CSMD1: variants seen among roughly 807,000 people sequenced by gnomAD.
CSMD1 encodes the protein CUB and Sushi multiple domains 1, also known as CUB and sushi domain-containing protein 1.
A neutral mutation model predicts 417.5 loss-of-function variants in CSMD1; 213 were observed. The ratio of observed to expected loss-of-function variants is 0.51; its 90% confidence interval spans 0.46 to 0.57. The LOEUF (loss-of-function observed/expected upper bound fraction) is 0.57. CSMD1 is among the 20% of genes least tolerant of loss of function. CSMD1 has a pLI of 0.00. For synonymous variants in CSMD1, 2,862 were observed against 1,736.8 expected, an observed-to-expected ratio of 1.65 and a Z score of -16.11; for missense variants, 6,923 against 4,529.7, an observed-to-expected ratio of 1.53 and a Z score of -15.17.
At chr8:3,824,309 C>T (rs1028584722) in intron 5 of CSMD1, among the ~76,000 whole-genome samples, 2 of 151,746 alleles carry the variant, frequency 1.3e-5, no homozygotes, top group Admixed American at 1.3e-4. Context: ...ACGGGCACAA[C>T]AGCCTAGGAA....
intron 5 of CSMD1, among the ~76,000 whole-genome samples, chr8:3,919,837 A>G (rs1171692339): frequency 1.3e-5 from 2 of 152,096 alleles, no homozygotes; most frequent in Non-Finnish European, 2.9e-5. Context: ...CAGTGTACAG[A>G]TCATTCACCT....
At chr8:3,079,186 A>G (rs528063042) in intron 49 of CSMD1, among the ~76,000 whole-genome samples, 1 of 152,302 alleles carries the variant, frequency 6.6e-6, no homozygotes, top group South Asian at 2.1e-4. Context: ...GGCAACTGGG[A>G]TAAACCTCAT....
At chr8:4,254,532 C>G (rs1028553884) in intron 3 of CSMD1, among the ~76,000 whole-genome samples, 17 of 152,120 alleles carry the variant, frequency 1.1e-4, no homozygotes, top group African/African-American at 4.1e-4. Context: ...TAAACGTATG[C>G]TGTTTATGAA....
intron 26 of CSMD1, among the ~76,000 whole-genome samples, chr8:3,252,962 T>A (rs145781722): frequency 2.0e-5 from 3 of 152,186 alleles, no homozygotes; most frequent in Non-Finnish European, 4.4e-5. Context: ...TTTTCTTCTT[T>A]ATTAGTTTTG....
chr8:3,987,289 C>A (rs55964478), intron 5 of CSMD1, among the ~76,000 whole-genome samples: 1 of 152,010 alleles, frequency 6.6e-6, no homozygotes, highest in Admixed American at 6.6e-5. Flanking sequence ...GTAACATGTT[C>A]TGTGATGACC....
chr8:4,115,957 T>G (rs1429930772), intron 3 of CSMD1, among the ~76,000 whole-genome samples: 1 of 146,162 alleles, frequency 6.8e-6, no homozygotes, highest in African/African-American at 2.5e-5. Flanking sequence ...AAACAGGGTT[T>G]TCATTATTTT....
intron 42 of CSMD1, among the ~76,000 whole-genome samples, chr8:3,115,479 G>A (rs922358691): frequency 1.3e-5 from 2 of 152,134 alleles, no homozygotes; most frequent in Non-Finnish European, 1.5e-5. Context: ...TGGGATTACA[G>A]GCGTGAGCCA....
intron 9 of CSMD1, among the ~76,000 whole-genome samples, chr8:3,582,253 A>G (rs1800414826): frequency 6.6e-6 from 1 of 152,198 alleles, no homozygotes; most frequent in Admixed American, 6.5e-5. Flanking sequence ...CTGTAGATAT[A>G]TAACGTTATC....
At chr8:4,295,064 A>G (rs1432429469) in intron 3 of CSMD1, among the ~76,000 whole-genome samples, 1 of 93,098 alleles carries the variant, frequency 1.1e-5, no homozygotes, top group Admixed American at 1.2e-4. Context: ...ATATAATCTT[A>G]AGATTACACA....
intron 1 of CSMD1, among the ~76,000 whole-genome samples, chr8:4,927,087 C>CATTATTATTATTATT (rs142803606): frequency 7.7e-5 from 11 of 143,462 alleles, no homozygotes; most frequent in East Asian, 4.1e-4. Context: ...GCTTTCAATG[C>CATTATTATTATTATT]ATTATTATTA....
intron 59 of CSMD1, among the ~76,000 whole-genome samples, chr8:2,964,736 A>G (rs1011415342): frequency 6.6e-6 from 1 of 152,226 alleles, no homozygotes; most frequent in African/African-American, 2.4e-5. Flanking sequence ...GTTACAATAC[A>G]AAGAAGGGAA....
At chr8:4,063,014 T>G (rs1799059943) in intron 3 of CSMD1, among the ~76,000 whole-genome samples, 1 of 152,142 alleles carries the variant, frequency 6.6e-6, no homozygotes, top group South Asian at 2.1e-4. Flanking sequence ...AGAGATACTG[T>G]TAGTTACATA....
chr8:4,317,196 G>A (rs1376357950), intron 3 of CSMD1, among the ~76,000 whole-genome samples: 2 of 152,060 alleles, frequency 1.3e-5, no homozygotes, highest in African/African-American at 4.8e-5. Context: ...CAGCTCAATG[G>A]GTTATATTTT....
At chr8:4,156,453 G>C (rs1400138989) in intron 3 of CSMD1, among the ~76,000 whole-genome samples, 39 of 152,112 alleles carry the variant, frequency 2.6e-4, no homozygotes, top group Admixed American at 2.6e-3. Context: ...TATGCTATTG[G>C]TGCTAACTCT....
chr8:3,838,183 G>C (rs1203580652), intron 5 of CSMD1, among the ~76,000 whole-genome samples: 1 of 152,042 alleles, frequency 6.6e-6, no homozygotes, highest in Non-Finnish European at 1.5e-5. Context: ...ATCAGACACA[G>C]ACCCTGCCTT....
intron 7 of CSMD1, among the ~76,000 whole-genome samples, chr8:3,689,555 G>C (rs1021161785): frequency 1.3e-5 from 2 of 152,108 alleles, no homozygotes; most frequent in Non-Finnish European, 2.9e-5. Context: ...TCCATTGACT[G>C]TGTCTTCAAC....
chr8:3,581,932 G>C (rs1025599978), intron 9 of CSMD1, among the ~76,000 whole-genome samples: 1 of 152,104 alleles, frequency 6.6e-6, no homozygotes, highest in Non-Finnish European at 1.5e-5. Flanking sequence ...AGCCTCCCGA[G>C]TAGCTGGGAT....
chr8:4,990,783 C>G (rs1395668720), intron 1 of CSMD1, among the ~76,000 whole-genome samples: 2 of 151,964 alleles, frequency 1.3e-5, no homozygotes, highest in Non-Finnish European at 2.9e-5. Flanking sequence ...GTCTGACCTG[C>G]AAATTAAAGG....
At position 3,286,446 on chromosome 8, in the gene CSMD1, G is replaced by C. The variant is rs530650559; in HGVS notation, c.3951-2100C>G. 3.9e-4 allele frequency among the ~76,000 whole-genome samples: 60 copies of C among 152,228 alleles called. No individual in the cohort carries two copies. In the East Asian group the frequency reaches 9.9e-3, roughly 25 times the overall value. On this transcript the variant is annotated intron_variant, in intron 25 of 69. Coordinates refer to ENST00000635120, the MANE Select transcript of CSMD1 (RefSeq NM_033225.6). ...GAACTAGTTTACAGTCCCACCAAGA[G>C]TGTGAAAGTGTTCCTATTTCTCCAC...
Sources: gnomAD v4.1 joint callset for allele counts (sites outside exome capture counted in the v4.1 genomes callset) on GRCh38, gnomAD v4.1.1 for gene constraint, MANE v1.5 for transcripts, NCBI Gene and HGNC (gene_info 2026-07-23, HGNC 2026-07-21) for gene names.